Variants in VAV3 observed in about 807,000 individuals in gnomAD.
VAV3 encodes guanine nucleotide exchange factor VAV3.
VAV3 carries 94 observed loss-of-function variants against 131.2 expected under a neutral mutation model. The observed-to-expected ratio is 0.72, with a 90% CI of 0.61 to 0.85. VAV3 has a LOEUF of 0.85. Ranked by LOEUF, VAV3 falls within the 40% of genes least tolerant of loss-of-function variation. The pLI is 0.00. For missense variants in VAV3, 939 were observed against 1,002.7 expected, an observed-to-expected ratio of 0.94 and a Z score of 0.86; for synonymous variants, 349 against 342.0, an observed-to-expected ratio of 1.02 and a Z score of -0.22.
Position 107,705,057 on chromosome 1 carries a change from T to C in VAV3, c.1507A>G (p.Asn503Asp). 6.2e-7 allele frequency: 1 copy of C among 1,604,486 alleles called. No individual in the cohort carries two copies. The highest frequency in any genetic ancestry group is 8.5e-7 in the Non-Finnish European group (1 of 1,172,500). The part of the protein sequence containing the change: ...WLEQFEMALS[N>D]IRPDYADSNF... ...GAGTCTGCATAGTCTGGTCTTATGT[T>C]AGACCTAAAAAAAGGAAAAAAATAA... The change falls in exon 16 of 27, where the codon AAC becomes GAC. Residue 503 changes from asparagine (N) to aspartate (D), a missense_variant. By Grantham distance (23) the Asn-to-Asp change is conservative. Transcript: ENST00000370056.
chr1:107,765,201 C>T, intron 8 of VAV3, 26 bp from the exon 9 acceptor site: 1 of 1,571,018 alleles, frequency 6.4e-7, no homozygotes, highest in Non-Finnish European at 8.8e-7. Flanking sequence ...GACAAGAAAT[C>T]TCTAAGACAA....
intron 2 of VAV3, among the ~76,000 whole-genome samples, chr1:107,825,948 T>C (rs1016828424): frequency 1.3e-5 from 2 of 152,192 alleles, no homozygotes; most frequent in African/African-American, 4.8e-5. Context: ...AGTTAGGTTA[T>C]AGGCAACCTG....
chr1:107,888,044 C>A (rs1671122158), intron 1 of VAV3, among the ~76,000 whole-genome samples: 1 of 151,498 alleles, frequency 6.6e-6, no homozygotes, highest in African/African-American at 2.4e-5. Flanking sequence ...TAAGATCAGA[C>A]TTAAGAATAG....
At chr1:107,725,479 C>A (rs1021791831) in intron 15 of VAV3, among the ~76,000 whole-genome samples, 1 of 152,066 alleles carries the variant, frequency 6.6e-6, no homozygotes, top group African/African-American at 2.4e-5. Context: ...GGCTTTTGAC[C>A]AAACTTTTGA....
intron 15 of VAV3, among the ~76,000 whole-genome samples, chr1:107,725,360 T>C (rs1661776875): frequency 6.6e-6 from 1 of 152,216 alleles, no homozygotes; most frequent in Non-Finnish European, 1.5e-5. Context: ...TTGCTGATCC[T>C]GAATGGAGCT....
intron 20 of VAV3, among the ~76,000 whole-genome samples, chr1:107,641,986 G>A (rs1655375963): frequency 6.6e-6 from 1 of 152,236 alleles, no homozygotes; most frequent in Admixed American, 6.5e-5. Context: ...GAAGCTGAAA[G>A]CATGCAGTTT....
chr1:107,714,651 A>G (rs908065841), intron 15 of VAV3, among the ~76,000 whole-genome samples: 4 of 152,096 alleles, frequency 2.6e-5, no homozygotes, highest in African/African-American at 9.7e-5. Context: ...ACACCATAGC[A>G]TACTAATTAT....
intron 15 of VAV3, among the ~76,000 whole-genome samples, chr1:107,745,021 T>C (rs1663248704): frequency 6.6e-6 from 1 of 152,188 alleles, no homozygotes; most frequent in South Asian, 2.1e-4. Context: ...AATGGATATA[T>C]TGGATTTGGG....
At chr1:107,906,019 A>T (rs1280369845) in intron 1 of VAV3, among the ~76,000 whole-genome samples, 2 of 152,208 alleles carry the variant, frequency 1.3e-5, no homozygotes, top group East Asian at 3.8e-4. Flanking sequence ...GAGATTACCA[A>T]GGAACTGTGC....
chr1:107,882,673 T>C (rs1045541059), intron 1 of VAV3, among the ~76,000 whole-genome samples: 2 of 152,180 alleles, frequency 1.3e-5, no homozygotes, highest in Admixed American at 6.5e-5. Context: ...AGCTAAATCT[T>C]ACATCTCCTA....
intron 19 of VAV3, among the ~76,000 whole-genome samples, chr1:107,653,932 C>T (rs902136417): frequency 1.3e-5 from 2 of 152,024 alleles, no homozygotes; most frequent in Non-Finnish European, 2.9e-5. Context: ...CATCTGAAAC[C>T]ATGCTGAGTT....
chr1:107,755,617 AC>A, intron 11 of VAV3, 104 bp from the exon 12 acceptor site: 1 of 755,940 alleles, frequency 1.3e-6, no homozygotes, highest in Non-Finnish European at 2.1e-6. Context: ...GGTAAAAGTA[AC>A]CACTGTAACT....
At chr1:107,777,153 T>G in intron 4 of VAV3, 78 bp downstream of exon 4, 3 of 1,312,036 alleles carry the variant, frequency 2.3e-6, no homozygotes, top group Non-Finnish European at 3.3e-6. Flanking sequence ...GATAGCTTAC[T>G]TTAACATCCA....
rs1664052567 is a variant in VAV3 at position 107,755,511 on chromosome 1, G to A, written c.1089C>T (p.Asp363=). ...NLKLALDAMK[D]LAQYVNEVKR... Reference sequence around the variant, plus strand: ...TCACTTCATTCACATATTGTGCCAAGTCCTAGACAATAAAGAAAAGGGTAG... The same window carrying A: ...TCACTTCATTCACATATTGTGCCAAATCCTAGACAATAAAGAAAAGGGTAG... Residue 363 remains aspartate, a splice_region_variant and synonymous_variant, in exon 12 of 27, where the codon GAC becomes GAT. Transcript: ENST00000370056. 6.2e-7 allele frequency: 1 copy of A among 1,610,420 alleles called. No individual in the cohort carries two copies. The highest frequency in any genetic ancestry group is 1.1e-5 in the South Asian group (1 of 90,438).
intron 25 of VAV3, among the ~76,000 whole-genome samples, chr1:107,583,042 G>C (rs1038731574): frequency 5.9e-5 from 9 of 152,156 alleles, no homozygotes; most frequent in Non-Finnish European, 1.2e-4. Context: ...GCGTAAAAGT[G>C]TTCCTATTTC....
chr1:107,833,953 T>C (rs918827174), intron 2 of VAV3, among the ~76,000 whole-genome samples: 5 of 152,250 alleles, frequency 3.3e-5, no homozygotes, highest in African/African-American at 7.2e-5. Context: ...CTTAGGTTCA[T>C]TGCTCACATG....
chr1:107,596,148 TTAA>T, intron 25 of VAV3, 61 bp downstream of exon 25: 1 of 1,573,990 alleles, frequency 6.4e-7, no homozygotes, highest in Non-Finnish European at 8.6e-7. Context: ...AGGAAGATGT[TTAA>T]TGTTATTGTG....
intron 2 of VAV3, among the ~76,000 whole-genome samples, chr1:107,829,036 C>G (rs990378793): frequency 6.6e-6 from 1 of 152,148 alleles, no homozygotes; most frequent in Non-Finnish European, 1.5e-5. Flanking sequence ...TAACAAATTA[C>G]GGATGCTGGA....
chr1:107,633,583 C>T (rs751023462), intron 20 of VAV3, among the ~76,000 whole-genome samples: 7 of 152,104 alleles, frequency 4.6e-5, no homozygotes, highest in Non-Finnish European at 8.8e-5. Context: ...TCCTGGTGAA[C>T]CACACCTCCT....
Sources: gnomAD v4.1 joint callset for allele counts (sites outside exome capture counted in the v4.1 genomes callset) on GRCh38, gnomAD v4.1.1 for gene constraint, MANE v1.5 for transcripts, NCBI Gene and HGNC (gene_info 2026-07-23, HGNC 2026-07-21) for gene names.